Variants in COL6A3 observed in about 807,000 individuals in gnomAD.
The protein encoded by COL6A3 is collagen type VI alpha 3 chain.
In COL6A3, 137 loss-of-function variants were observed where a neutral mutation model predicts 274.1. That is an observed-to-expected ratio of 0.50 (90% CI 0.44 to 0.58). The LOEUF (loss-of-function observed/expected upper bound fraction) is 0.58, where lower values mean the gene tolerates loss of function less well. COL6A3 is among the 20% of genes least tolerant of loss of function. COL6A3 has a pLI of 0.00. For missense variants in COL6A3, 3,950 were observed against 4,124.9 expected (o/e 0.96, Z 1.16); for synonymous variants, 1,650 against 1,650.6 (o/e 1.00, Z 0.01).
In COL6A3 at chr2:237,371,507, AG is replaced by A. The variant is rs1260263619; in HGVS notation, c.4285+224del. On this transcript the variant is annotated intron_variant, in intron 9 of 43. Transcript: ENST00000295550. The surrounding 1 kb of genome is among the most constrained non-coding windows in gnomAD (Gnocchi z 4.3). Reference sequence around the variant, plus strand: ...TAGCTACTGAGGAGGCTGAAGTGGGAGGTTGGCTGGATCCCAGAAGGCAGAG... The same window carrying A: ...TAGCTACTGAGGAGGCTGAAGTGGGAGTTGGCTGGATCCCAGAAGGCAGAG... 4 of 877,548 alleles carry A rather than the reference AG, an allele frequency of 4.6e-6. No homozygotes were observed. The African/African-American group carries it at 6.8e-5, about 15-fold the overall frequency. 54.4% of individuals were successfully genotyped at this position (877,548 alleles called of 1,614,324 possible).
rs189405366 is a variant in COL6A3, at chr2:237,360,611, C to A, written c.6211-452G>T. ...CCAGGGCTGGACCTTGATCTAGGGT[C>A]CCAAAGCTCCCCAGACAGGTGTCTG... On this transcript the variant is annotated intron_variant, in intron 16 of 43. Transcript: ENST00000295550. Among the ~76,000 whole-genome samples, 8 of 152,260 alleles carry A rather than the reference C, an allele frequency of 5.3e-5. No homozygotes were observed. The East Asian group carries it at 1.4e-3, about 26-fold the overall frequency.
intron 3 of COL6A3, 49 bp downstream of exon 3, chr2:237,394,538 T>A: frequency 6.2e-7 from 1 of 1,612,442 alleles, no homozygotes; most frequent in Non-Finnish European, 8.5e-7. Flanking sequence ...GCCAAGCTCA[T>A]CTCCCAAGAA....
At chr2:237,367,569 A>G (rs954688072) in intron 10 of COL6A3, among the ~76,000 whole-genome samples, 1 of 152,236 alleles carries the variant, frequency 6.6e-6, no homozygotes, top group Non-Finnish European at 1.5e-5. Context: ...AGAGAACTTC[A>G]GTTATCCCGT....
chr2:237,368,696 G>T lies in COL6A3; in HGVS notation c.4767C>A (p.Asp1589Glu). 6.2e-7 allele frequency: 1 copy of T among 1,614,116 alleles called. No individual in the cohort carries two copies. The part of the protein sequence containing the change: ...DRTELQTITN[D>E]PRLVFTVREF... ...CTCGCACTGTGAAGACCAGTCTGGG[G>T]TCATTGGTGATGGTCTGCAGCTCTG... The change falls in exon 10 of 44, where the codon GAC (aspartate) becomes GAA (glutamate). Residue 1589 changes from aspartate to glutamate, a missense_variant. Transcript: ENST00000295550. The surrounding 1 kb of genome is among the most constrained non-coding windows in gnomAD (Gnocchi z 4.4).
At chr2:237,341,227 C>G in intron 37 of COL6A3, 77 bp from the exon 38 acceptor site, 1 of 1,380,794 alleles carries the variant, frequency 7.2e-7, no homozygotes, top group Non-Finnish European at 1.0e-6. Flanking sequence ...TGCTGGGAGA[C>G]TTGGGCGATT....
chr2:237,412,259 C>A (rs901987800), intron 1 of COL6A3, among the ~76,000 whole-genome samples: 1 of 152,230 alleles, frequency 6.6e-6, no homozygotes, highest in Non-Finnish European at 1.5e-5. Context: ...CAGGAGGTGG[C>A]CTGAGCAGGG....
intron 20 of COL6A3, among the ~76,000 whole-genome samples, 193 bp from the exon 21 acceptor site, chr2:237,358,776 A>C (rs548883799): frequency 6.6e-6 from 1 of 152,290 alleles, no homozygotes; most frequent in East Asian, 1.9e-4. Context: ...TTGGGGACCC[A>C]CTTTGTGCCA....
rs535402372 is a variant in COL6A3 at position 237,365,177 on chromosome 2, C to A, written c.5838+521G>T. Among the ~76,000 whole-genome samples the A allele has an allele frequency of 6.0e-5, 9 of 149,176 alleles. No homozygotes were observed. The East Asian group carries it at 9.8e-4, about 16-fold the overall frequency. Reference sequence around the variant, plus strand: ...CCATGTGGAGACACAGGGAGAAGACCCCTGCCTACAAGCCAAGCAGAGAAG... The same window carrying A: ...CCATGTGGAGACACAGGGAGAAGACACCTGCCTACAAGCCAAGCAGAGAAG... On this transcript the variant is annotated intron_variant, in intron 12 of 43. Transcript: ENST00000295550.
Position 237,394,610 on chromosome 2 carries a change from G to T in COL6A3, c.686C>A (p.Thr229Lys). The change falls in exon 3 of 44, where the codon ACG (threonine) becomes AAG (lysine). Residue 229 changes from threonine (T) to lysine (K), a missense_variant. Thr to Lys is a moderately conservative substitution (Grantham distance 78, BLOSUM62 -1). Coordinates refer to ENST00000295550, the MANE Select transcript of COL6A3 (RefSeq NM_004369.4). ...ACCTGTGATGTCTTTAAGGGTTTCC[G>T]TGTCCCCAGCCCTTTCTGGACTCAC... ...SSVSPERAGD[T>K]ETLKDITAQD... is the part of the protein sequence containing the mutation. 1 of 1,614,100 alleles carries T rather than the reference G, an allele frequency of 6.2e-7. No individual in the cohort carries two copies. Among genetic ancestry groups the T allele is most frequent in the Non-Finnish European group, 8.5e-7 (1 of 1,180,016 alleles).
At chr2:237,362,752 G>A (rs993327497) in intron 14 of COL6A3, among the ~76,000 whole-genome samples, 1 of 152,222 alleles carries the variant, frequency 6.6e-6, no homozygotes, top group Non-Finnish European at 1.5e-5. Context: ...CCAGCTGAGA[G>A]AGGCTGGCCC....
chr2:237,385,609 C>T (rs2106375791), intron 4 of COL6A3, among the ~76,000 whole-genome samples: 1 of 152,294 alleles, frequency 6.6e-6, no homozygotes, highest in African/African-American at 2.4e-5. Flanking sequence ...TCGGTGTCTG[C>T]AAAACATAGG....
At chr2:237,358,934 G>A in intron 20 of COL6A3, 101 bp downstream of exon 20, 1 of 1,338,056 alleles carries the variant, frequency 7.5e-7, no homozygotes, top group Non-Finnish European at 1.1e-6. Flanking sequence ...AGGCTGCCTG[G>A]AGGAAGCGGG....
intron 1 of COL6A3, among the ~76,000 whole-genome samples, chr2:237,412,718 G>T (rs1405030377): frequency 3.9e-5 from 6 of 152,154 alleles, no homozygotes; most frequent in Non-Finnish European, 5.9e-5. Flanking sequence ...ATTAAGAATG[G>T]GACCCTGGGG....
At chr2:237,399,707 C>G (rs567167869) in intron 1 of COL6A3, among the ~76,000 whole-genome samples, 2 of 152,310 alleles carry the variant, frequency 1.3e-5, no homozygotes, top group South Asian at 4.1e-4. Flanking sequence ...TGGGCTATTC[C>G]TCTCCATGTC....
Position 237,363,311 on chromosome 2 carries a change from T to A in COL6A3, c.6005A>T (p.Tyr2002Phe), listed in dbSNP as rs763429012. The A allele has an allele frequency of 5.0e-6, 8 of 1,613,978 alleles. No homozygotes were observed. The highest frequency in any genetic ancestry group is 6.8e-6 in the Non-Finnish European group (8 of 1,180,026). The change falls in exon 14 of 44, where the codon TAT becomes TTT. Residue 2002 changes from tyrosine (Y) to phenylalanine (F), a missense_variant. Physicochemically the swap from Tyr to Phe is conservative, Grantham distance 22 (BLOSUM62 3). Around this residue, in one of 5 missense-constraint regions of COL6A3, gnomAD observed 632 missense variants for 623.4 expected, o/e 1.01. Coordinates refer to ENST00000295550, the MANE Select transcript of COL6A3 (RefSeq NM_004369.4). ...MHLEFGRGFM[Y>F]DRPLRLNLLD... ...CAAGTTAAGCCTCAGGGGCCTGTCA[T>A]ACATAAACCCTCGCCCAAACTCCAG...
At position 237,341,035 on chromosome 2, in the gene COL6A3, A is replaced by C; in HGVS notation, c.7881T>G (p.Ala2627=). 3 of 1,614,162 alleles carry C rather than the reference A, an allele frequency of 1.9e-6. No homozygotes were observed. The highest frequency in any genetic ancestry group is 2.5e-6 in the Non-Finnish European group (3 of 1,180,010). The stretch of plus-strand genomic sequence containing the variant: ...TGAACTGGAACAGGGTGGTGGTCTC[A>C]GCGCTGTCTAAGATGAAAGCCATGT... ...DIDMAFILDS[A]ETTTLFQFNE... Residue 2627 remains alanine, a synonymous_variant, in exon 38 of 44, where the codon GCT becomes GCG. Coordinates refer to ENST00000295550, the MANE Select transcript of COL6A3 (RefSeq NM_004369.4).
At chr2:237,401,310 T>A (rs1310503560) in intron 1 of COL6A3, among the ~76,000 whole-genome samples, 1 of 152,214 alleles carries the variant, frequency 6.6e-6, no homozygotes, top group Non-Finnish European at 1.5e-5. Context: ...TCAGCATTAT[T>A]TGTAATATCC....
At chr2:237,380,839 A>G in intron 5 of COL6A3, 76 bp downstream of exon 5, 3 of 1,312,490 alleles carry the variant, frequency 2.3e-6, no homozygotes, top group South Asian at 2.5e-5. Flanking sequence ...ACACAAACAC[A>G]CTTCATTTTG....
chr2:237,340,190 G>A (rs1224448633), intron 38 of COL6A3, among the ~76,000 whole-genome samples: 1 of 152,176 alleles, frequency 6.6e-6, no homozygotes, highest in Non-Finnish European at 1.5e-5. Context: ...GACACCAAGA[G>A]TGCCTTATGA....
Sources: gnomAD v4.1 joint callset for allele counts (sites outside exome capture counted in the v4.1 genomes callset) on GRCh38, gnomAD v4.1.1 for gene constraint, gnomAD v4.1.1 regional missense constraint, Gnocchi (gnomAD v3.1) non-coding constraint, MANE v1.5 for transcripts, NCBI Gene and HGNC (gene_info 2026-07-23, HGNC 2026-07-21) for gene names.